LTBP1: variants seen among roughly 807,000 people sequenced by gnomAD.
The protein encoded by LTBP1 is latent-transforming growth factor beta-binding protein 1.
Under a neutral mutation model 207.6 loss-of-function variants are expected in LTBP1, and 129 were observed. The observed-to-expected ratio is 0.62, with a 90% CI of 0.54 to 0.72. The LOEUF (loss-of-function observed/expected upper bound fraction) is 0.72. Ranked by LOEUF, LTBP1 falls within the 30% of genes least tolerant of loss-of-function variation. The pLI is 0.00. For synonymous variants in LTBP1, 963 were observed against 833.7 expected, an observed-to-expected ratio of 1.16 and a Z score of -2.67; for missense variants, 2,281 against 2,217.2, an observed-to-expected ratio of 1.03 and a Z score of -0.58.
intron 5 of LTBP1, among the ~76,000 whole-genome samples, chr2:33,177,108 A>T (rs2086141773): frequency 6.6e-6 from 1 of 151,988 alleles, no homozygotes; most frequent in Admixed American, 6.6e-5. Flanking sequence ...TGGGATTCAA[A>T]CTCCTGGAGG....
At chr2:33,085,042 G>T (rs1313024785) in intron 3 of LTBP1, among the ~76,000 whole-genome samples, 1 of 152,184 alleles carries the variant, frequency 6.6e-6, no homozygotes, top group Non-Finnish European at 1.5e-5. Context: ...CCAGTGGCAA[G>T]TGCCCTTAGA....
intron 18 of LTBP1, among the ~76,000 whole-genome samples, chr2:33,277,793 CTT>C (rs759405133): frequency 9.4e-4 from 96 of 102,074 alleles, no homozygotes; most frequent in African/African-American, 3.4e-3. Context: ...TTCTTTCTTT[CTT>C]TCTCTCTCTC....
chr2:33,234,233 G>A (rs144793801), intron 9 of LTBP1, among the ~76,000 whole-genome samples: 1 of 152,118 alleles, frequency 6.6e-6, no homozygotes, highest in African/African-American at 2.4e-5. Context: ...AGACCCCATT[G>A]CCCCAAAGTT....
chr2:33,032,680 C>T (rs1217551775), intron 3 of LTBP1, among the ~76,000 whole-genome samples: 1 of 152,106 alleles, frequency 6.6e-6, no homozygotes, highest in Non-Finnish European at 1.5e-5. Context: ...AACAGTATGA[C>T]ACAAAAATTG....
chr2:32,998,639 T>C (rs1041416332), intron 2 of LTBP1, among the ~76,000 whole-genome samples: 2 of 151,068 alleles, frequency 1.3e-5, no homozygotes. Context: ...ACCCATGTGA[T>C]GGTATTAGGA....
intron 2 of LTBP1, among the ~76,000 whole-genome samples, chr2:33,010,762 C>A (rs887581033): frequency 6.7e-6 from 1 of 150,220 alleles, no homozygotes; most frequent in Non-Finnish European, 1.5e-5. Flanking sequence ...GCTCTGTCAC[C>A]AAGCTGGAGT....
chr2:33,028,815 C>G (rs2075553874), intron 3 of LTBP1, among the ~76,000 whole-genome samples: 1 of 152,100 alleles, frequency 6.6e-6, no homozygotes, highest in Non-Finnish European at 1.5e-5. Flanking sequence ...TCTTCTTGCT[C>G]CTTGCACTTA....
At chr2:33,346,486 C>T (rs1373653551) in intron 25 of LTBP1, among the ~76,000 whole-genome samples, 1 of 151,578 alleles carries the variant, frequency 6.6e-6, no homozygotes, top group Non-Finnish European at 1.5e-5. Flanking sequence ...GAGTTCATGA[C>T]CATCCTGGCC....
At chr2:33,345,100 C>T (rs1176187236) in intron 25 of LTBP1, among the ~76,000 whole-genome samples, 3 of 152,230 alleles carry the variant, frequency 2.0e-5, no homozygotes, top group African/African-American at 7.2e-5. Flanking sequence ...ATGATACGCA[C>T]TTCACACTGG....
chr2:33,025,657 A>G (rs912294358), intron 3 of LTBP1, among the ~76,000 whole-genome samples: 2 of 152,236 alleles, frequency 1.3e-5, no homozygotes, highest in Admixed American at 1.3e-4. Flanking sequence ...GGGAGCTGTG[A>G]TGATGGCATT....
At position 32,947,394 on chromosome 2, in the gene LTBP1, C is replaced by T; in HGVS notation, c.70C>T (p.Arg24Trp). The T allele has an allele frequency of 2.8e-6, 4 of 1,403,706 alleles. No individual in the cohort carries two copies. Among genetic ancestry groups the T allele is most frequent in the Non-Finnish European group, 3.7e-6 (4 of 1,079,108 alleles). 87.0% of individuals were successfully genotyped at this position (1,403,706 alleles called of 1,614,324 possible). Residue 24 changes from arginine (R) to tryptophan (W), a missense_variant, in exon 1 of 34, where the codon CGG becomes TGG. Arg to Trp is a moderately radical substitution (Grantham distance 101). This residue lies in a region of LTBP1 where 555 missense variants were observed against 491.0 expected (regional missense o/e 1.13). Coordinates refer to ENST00000404816, the MANE Select transcript of LTBP1 (RefSeq NM_206943.4). ...AGLLASSAHG[R>W]LRRITYVVHP... ...GCTCCTCGCGTCCTCGGCGCACGGC[C>T]GGCTGCGGAGGATCACCTACGTGGT...
At position 32,947,725 on chromosome 2, in the gene LTBP1, A is replaced by G. The variant is rs748554582; in HGVS notation, c.401A>G (p.Gln134Arg). ...GHPAAAPFTK[Q>R]GRQVVRSKVP... ...CCGGCAGCCGCCCCGTTCACCAAAC[A>G]AGGCAGGCAAGTTGTGCGCTCCAAG... is the stretch of plus-strand genomic sequence containing the variant. Residue 134 changes from glutamine (Q) to arginine (R), a missense_variant, in exon 1 of 34, where the codon CAA becomes CGA. Physicochemically the swap from Gln to Arg is conservative, Grantham distance 43 (BLOSUM62 1). Transcript: ENST00000404816. 1.3e-6 allele frequency: 2 copies of G among 1,536,556 alleles called. No homozygotes were observed. The highest frequency in any genetic ancestry group is 1.7e-6 in the Non-Finnish European group (2 of 1,143,150).
rs556654734 is a variant in LTBP1 at position 33,309,785 on chromosome 2, C to T, written c.3604+229C>T. Among the ~76,000 whole-genome samples the T allele has an allele frequency of 1.2e-4, 19 of 152,288 alleles. No homozygotes were observed. The East Asian group carries it at 2.1e-3, about 17-fold the overall frequency. On this transcript the variant is annotated intron_variant, in intron 23 of 33. Coordinates refer to ENST00000404816, the MANE Select transcript of LTBP1 (RefSeq NM_206943.4). ...ACGAGTAAGAGCTGTGTCCTCACTG[C>T]GTGCTTCCGTCACCTGTACTTTACT...
chr2:33,075,131 G>A (rs1023371312), intron 3 of LTBP1, among the ~76,000 whole-genome samples: 1 of 152,162 alleles, frequency 6.6e-6, no homozygotes, highest in African/African-American at 2.4e-5. Flanking sequence ...ACAGATAGAT[G>A]GGGCTGGAGA....
At chr2:33,025,901 A>G (rs2075390713) in intron 3 of LTBP1, among the ~76,000 whole-genome samples, 1 of 152,200 alleles carries the variant, frequency 6.6e-6, no homozygotes, top group African/African-American at 2.4e-5. Context: ...GAAGTTTCTT[A>G]TAGTCCTGAG....
intron 5 of LTBP1, among the ~76,000 whole-genome samples, chr2:33,156,940 C>T (rs2147988556): frequency 6.6e-6 from 1 of 152,214 alleles, no homozygotes; most frequent in Non-Finnish European, 1.5e-5. Context: ...AACTTTGATT[C>T]CATTTGATTT....
At chr2:33,033,999 C>G (rs1373987051) in intron 3 of LTBP1, among the ~76,000 whole-genome samples, 2 of 152,158 alleles carry the variant, frequency 1.3e-5, no homozygotes, top group Non-Finnish European at 1.5e-5. Flanking sequence ...CTCCCCGGCT[C>G]CCTGGGGGAC....
At chr2:33,079,396 C>A (rs2078271095) in intron 3 of LTBP1, among the ~76,000 whole-genome samples, 2 of 152,204 alleles carry the variant, frequency 1.3e-5, no homozygotes, top group Non-Finnish European at 1.5e-5. Context: ...ACAACACCAG[C>A]AGATGGGATA....
intron 2 of LTBP1, among the ~76,000 whole-genome samples, chr2:32,963,624 T>C (rs1401708008): frequency 6.6e-6 from 1 of 152,238 alleles, no homozygotes; most frequent in African/African-American, 2.4e-5. Context: ...TAGGTCTTCC[T>C]AATTCTGTTC....
Sources: allele counts gnomAD v4.1 joint callset (sites outside exome capture counted in the v4.1 genomes callset), GRCh38; gene constraint gnomAD v4.1.1; regional missense constraint gnomAD v4.1.1; transcripts MANE v1.5; gene names NCBI Gene and HGNC (gene_info 2026-07-23, HGNC 2026-07-21).